Variants in SLAMF6 observed in about 807,000 individuals in gnomAD.
The protein encoded by SLAMF6 is NK-T-B-antigen.
In SLAMF6, 21 loss-of-function variants were observed where a neutral mutation model predicts 38.3. That is an observed-to-expected ratio of 0.55 (90% CI 0.39 to 0.79). The LOEUF (loss-of-function observed/expected upper bound fraction) is 0.79, where lower values mean the gene tolerates loss of function less well. Among genes scored for constraint, SLAMF6 ranks in the 30% least tolerant of loss-of-function variants. The pLI is 0.00. For synonymous variants in SLAMF6, 152 were observed against 146.3 expected, an observed-to-expected ratio of 1.04 and a Z score of -0.28; for missense variants, 341 against 385.3, an observed-to-expected ratio of 0.89 and a Z score of 0.96.
At position 160,491,411 on chromosome 1, in the gene SLAMF6, T is replaced by C. The variant is rs139376475; in HGVS notation, c.383-23A>G. On this transcript the variant is annotated intron_variant, in intron 2 of 7. Transcript: ENST00000368057. ...GTCCTGTTTGCAGAAAAAAAAAAGA[T>C]CCAGATTAAGGACAAATGTCTTGGC... 597 of 1,599,700 alleles carry C rather than the reference T, an allele frequency of 3.7e-4. 3 individuals carry two copies. The African/African-American group carries it at 7.2e-3, about 19-fold the overall frequency.
At chr1:160,505,948 G>C (rs2102047474) in intron 1 of SLAMF6, among the ~76,000 whole-genome samples, 1 of 152,226 alleles carries the variant, frequency 6.6e-6, no homozygotes, top group East Asian at 1.9e-4. Flanking sequence ...TAGGTCAATT[G>C]AAATTATCCA....
chr1:160,494,662 A>C (rs1247980327), intron 2 of SLAMF6, among the ~76,000 whole-genome samples: 1 of 152,230 alleles, frequency 6.6e-6, no homozygotes. Context: ...TGAGACAGAC[A>C]GAAAAGAAGG....
At chr1:160,511,888 A>G (rs1454118355) in intron 1 of SLAMF6, among the ~76,000 whole-genome samples, 1 of 152,172 alleles carries the variant, frequency 6.6e-6, no homozygotes, top group Admixed American at 6.5e-5. Flanking sequence ...ACAACAGCCC[A>G]CCTGGAAGCT....
intron 1 of SLAMF6, among the ~76,000 whole-genome samples, chr1:160,517,256 A>C (rs1023651935): frequency 6.6e-6 from 1 of 152,268 alleles, no homozygotes; most frequent in African/African-American, 2.4e-5. Context: ...CAAACATGAA[A>C]AAAAGCTCAA....
chr1:160,486,839 G>A, intron 7 of SLAMF6, 85 bp from the exon 8 acceptor site: 1 of 1,460,732 alleles, frequency 6.8e-7, no homozygotes, highest in Non-Finnish European at 9.6e-7. Flanking sequence ...GAGGACTGGA[G>A]ACTACAGAGA....
chr1:160,518,312 T>G (rs1243438092), intron 1 of SLAMF6, among the ~76,000 whole-genome samples: 1 of 152,196 alleles, frequency 6.6e-6, no homozygotes, highest in Non-Finnish European at 1.5e-5. Flanking sequence ...TTGGTGGGAA[T>G]GTAAATTAGT....
intron 1 of SLAMF6, among the ~76,000 whole-genome samples, chr1:160,498,593 C>T (rs1315699803): frequency 6.6e-6 from 1 of 152,098 alleles, no homozygotes; most frequent in Non-Finnish European, 1.5e-5. Context: ...AAAGACCTAC[C>T]CCCAGATTCA....
At chr1:160,493,095 A>C (rs1653390339) in intron 2 of SLAMF6, among the ~76,000 whole-genome samples, 1 of 152,204 alleles carries the variant, frequency 6.6e-6, no homozygotes, top group Non-Finnish European at 1.5e-5. Flanking sequence ...TGTCACTGAG[A>C]GTAGATGCCA....
At chr1:160,496,759 G>T (rs957874079) in intron 1 of SLAMF6, among the ~76,000 whole-genome samples, 1 of 152,158 alleles carries the variant, frequency 6.6e-6, no homozygotes, top group East Asian at 1.9e-4. Context: ...TCCAAAAACT[G>T]CAAGTCTTTG....
intron 3 of SLAMF6, 67 bp from the exon 4 acceptor site, chr1:160,490,752 C>T (rs1287570766): frequency 5.1e-6 from 8 of 1,571,936 alleles, no homozygotes; most frequent in Admixed American, 3.8e-5. Context: ...TTGGAGCCTC[C>T]GTGGAGCCTC....
At chr1:160,508,366 C>T (rs1654298874) in intron 1 of SLAMF6, among the ~76,000 whole-genome samples, 1 of 152,162 alleles carries the variant, frequency 6.6e-6, no homozygotes, top group South Asian at 2.1e-4. Flanking sequence ...ACATCTACAA[C>T]CATCTGATCT....
chr1:160,486,706 C>A lies in SLAMF6; in HGVS notation c.*1G>T. On this transcript the variant is annotated 3_prime_UTR_variant, in exon 8 of 8. Coordinates refer to ENST00000368057, the MANE Select transcript of SLAMF6 (RefSeq NM_001184714.2). ...GAATTCCTCTGAGGCCTTTCAGCAACTTACACGACATTGTCAAGGGCAGTT... is the reference window on the plus strand; with the variant it reads ...GAATTCCTCTGAGGCCTTTCAGCAAATTACACGACATTGTCAAGGGCAGTT... 1 of 1,613,776 alleles carries A rather than the reference C, an allele frequency of 6.2e-7. No individual in the cohort carries two copies. The highest frequency in any genetic ancestry group is 8.5e-7 in the Non-Finnish European group (1 of 1,179,772).
At chr1:160,504,034 A>AAG (rs59138230) in intron 1 of SLAMF6, among the ~76,000 whole-genome samples, 13 of 4,344 alleles carry the variant, frequency 3.0e-3, no homozygotes, top group Admixed American at 6.6e-3. Context: ...AAAAAAAAAA[A>AAG]GCAAAAGAAA....
chr1:160,496,226 G>A lies in SLAMF6; in HGVS notation c.217C>T (p.Pro73Ser). 1.2e-6 allele frequency: 2 copies of A among 1,613,892 alleles called. No homozygotes were observed. Among genetic ancestry groups the A allele is most frequent in the Non-Finnish European group, 1.7e-6 (2 of 1,179,926 alleles). Residue 73 changes from proline to serine, a missense_variant, in exon 2 of 8, where the codon CCA becomes TCA. Transcript: ENST00000368057. ...TTCGGATTAGTCACGTGGATTTCTG[G>A]ACTTTTGGTTTCATGGGGTACTATG... Reference protein sequence around the residue: ...AFIVPHETKSPEIHVTNPKQG... With the variant: ...AFIVPHETKSSEIHVTNPKQG...
At chr1:160,502,946 T>G (rs907611820) in intron 1 of SLAMF6, among the ~76,000 whole-genome samples, 1 of 152,002 alleles carries the variant, frequency 6.6e-6, no homozygotes, top group South Asian at 2.1e-4. Context: ...CTGAGCAAAT[T>G]TGGAGCAAAG....
At chr1:160,516,323 A>C (rs944032269) in intron 1 of SLAMF6, among the ~76,000 whole-genome samples, 3 of 152,196 alleles carry the variant, frequency 2.0e-5, no homozygotes, top group African/African-American at 4.8e-5. Context: ...TTCAAAAAGA[A>C]CTACAAACCA....
intron 1 of SLAMF6, among the ~76,000 whole-genome samples, chr1:160,498,373 C>A (rs1038159222): frequency 6.6e-6 from 1 of 152,172 alleles, no homozygotes. Context: ...ATACTCAAGA[C>A]TAGTAATTTA....
chr1:160,510,730 T>A (rs1003076739), intron 1 of SLAMF6, among the ~76,000 whole-genome samples: 9 of 152,304 alleles, frequency 5.9e-5, no homozygotes, highest in Admixed American at 5.9e-4. Flanking sequence ...CTGGAAGTTC[T>A]AGCCAGAGCA....
At chr1:160,513,552 C>T (rs1020325794) in intron 1 of SLAMF6, among the ~76,000 whole-genome samples, 2 of 152,108 alleles carry the variant, frequency 1.3e-5, no homozygotes, top group Non-Finnish European at 2.9e-5. Flanking sequence ...CCACAAGACA[C>T]ATAATTATTA....
Sources: gnomAD v4.1 joint callset for allele counts (sites outside exome capture counted in the v4.1 genomes callset) on GRCh38, gnomAD v4.1.1 for gene constraint, MANE v1.5 for transcripts, NCBI Gene and HGNC (gene_info 2026-07-23, HGNC 2026-07-21) for gene names.